The following GRIN2B variants were observed in gnomAD, a reference collection of about 807,000 sequenced individuals.
GRIN2B encodes the protein glutamate receptor ionotropic, NMDA 2B.
A neutral mutation model predicts 114.5 loss-of-function variants in GRIN2B; 5 were observed. The ratio of observed to expected loss-of-function variants is 0.04; its 90% confidence interval spans 0.02 to 0.09. GRIN2B has a LOEUF of 0.09. Among genes scored for constraint, GRIN2B ranks in the 10% least tolerant of loss-of-function variants. The pLI, the probability that GRIN2B is intolerant of heterozygous loss-of-function variation, is 1.00. For missense variants in GRIN2B, 1,108 were observed against 1,943.5 expected (o/e 0.57, Z 8.08); for synonymous variants, 787 against 745.1 (o/e 1.06, Z -0.92).
intron 3 of GRIN2B, among the ~76,000 whole-genome samples, chr12:13,771,196 C>T (rs990224663): frequency 6.6e-6 from 1 of 152,140 alleles, no homozygotes; most frequent in African/African-American, 2.4e-5. Context: ...TAAGTCATCT[C>T]GTCTACTGCA....
intron 3 of GRIN2B, among the ~76,000 whole-genome samples, chr12:13,812,415 C>A (rs528638026): frequency 6.6e-6 from 1 of 152,298 alleles, no homozygotes; most frequent in Non-Finnish European, 1.5e-5. Flanking sequence ...ATTACATTAT[C>A]ATTTCCCACT....
intron 2 of GRIN2B, among the ~76,000 whole-genome samples, chr12:13,932,096 C>G (rs1166139185): frequency 6.6e-6 from 1 of 152,192 alleles, no homozygotes; most frequent in Non-Finnish European, 1.5e-5. Context: ...CCTCATGATT[C>G]AGTTCCTATC....
intron 3 of GRIN2B, among the ~76,000 whole-genome samples, chr12:13,756,900 ACT>A (rs1283594927): frequency 6.6e-6 from 1 of 151,958 alleles, no homozygotes; most frequent in Non-Finnish European, 1.5e-5. Flanking sequence ...TTCTCTTAAT[ACT>A]CTCTCTCCCC....
chr12:13,923,918 C>A (rs1314863979), intron 2 of GRIN2B, among the ~76,000 whole-genome samples: 1 of 152,012 alleles, frequency 6.6e-6, no homozygotes, highest in Non-Finnish European at 1.5e-5. Context: ...GCTTTTGGGC[C>A]AGAATAAGAA....
chr12:13,609,818 T>G (rs1000059630), intron 9 of GRIN2B, among the ~76,000 whole-genome samples: 1 of 151,410 alleles, frequency 6.6e-6, no homozygotes, highest in Non-Finnish European at 1.5e-5. Flanking sequence ...GGGGAAGTCA[T>G]AGAATCCTGG....
intron 4 of GRIN2B, among the ~76,000 whole-genome samples, chr12:13,714,634 C>T (rs1014858096): frequency 2.6e-5 from 4 of 151,750 alleles, no homozygotes; most frequent in African/African-American, 9.7e-5. Context: ...AAAGGGGGAA[C>T]GCTGGTTGGT....
intron 3 of GRIN2B, among the ~76,000 whole-genome samples, chr12:13,791,180 C>T (rs1476884088): frequency 6.6e-6 from 1 of 152,064 alleles, no homozygotes; most frequent in Non-Finnish European, 1.5e-5. Flanking sequence ...ATTCCATGTC[C>T]TGGCGAGGCG....
chr12:13,693,665 T>C (rs943579017), intron 4 of GRIN2B, among the ~76,000 whole-genome samples: 15 of 152,274 alleles, frequency 9.9e-5, no homozygotes, highest in Non-Finnish European at 1.6e-4. Flanking sequence ...CCCTGCTTCA[T>C]AGTATGCATT....
At chr12:13,837,299 T>A (rs1022239241) in intron 3 of GRIN2B, among the ~76,000 whole-genome samples, 6 of 152,192 alleles carry the variant, frequency 3.9e-5, no homozygotes, top group African/African-American at 1.4e-4. Flanking sequence ...CTCTGAGACA[T>A]GTCCTCCTCT....
At chr12:13,799,702 G>A (rs183787141) in intron 3 of GRIN2B, among the ~76,000 whole-genome samples, 6 of 152,052 alleles carry the variant, frequency 3.9e-5, no homozygotes, top group Non-Finnish European at 8.8e-5. Context: ...CAGGAGAGAG[G>A]GGGGGAAAGG....
intron 11 of GRIN2B, among the ~76,000 whole-genome samples, chr12:13,571,520 G>C (rs937627575): frequency 3.3e-5 from 5 of 151,966 alleles, no homozygotes; most frequent in Non-Finnish European, 7.3e-5. Context: ...CCTTCACTCT[G>C]CCCTCCTACT....
intron 3 of GRIN2B, among the ~76,000 whole-genome samples, chr12:13,811,446 T>C (rs1864727762): frequency 6.6e-6 from 1 of 152,194 alleles, no homozygotes; most frequent in Non-Finnish European, 1.5e-5. Flanking sequence ...CTGGGCACAG[T>C]GGCATGTGCC....
chr12:13,696,925 C>CT (rs1282182863), intron 4 of GRIN2B, among the ~76,000 whole-genome samples: 1 of 152,152 alleles, frequency 6.6e-6, no homozygotes, highest in East Asian at 1.9e-4. Context: ...CTTAATAATG[C>CT]TTTAGCCGTT....
Position 13,615,853 on chromosome 12 carries a change from C to T in GRIN2B, c.1329-189G>A, listed in dbSNP as rs1949432420. ...CAGACCTGCAATATTCTCATTATCTCGTCATATTGAGATATGTTTCCTCTT... is the reference window on the plus strand; with the variant it reads ...CAGACCTGCAATATTCTCATTATCTTGTCATATTGAGATATGTTTCCTCTT... On this transcript the variant is annotated intron_variant, in intron 6 of 13. Transcript: ENST00000609686. The surrounding 1 kb of genome is among the most constrained non-coding windows in gnomAD (Gnocchi z 5.8). 6.6e-6 allele frequency among the ~76,000 whole-genome samples: 1 copy of T among 152,140 alleles called. No homozygotes were observed. The highest frequency in any genetic ancestry group is 2.4e-5 in the African/African-American group (1 of 41,412).
chr12:13,844,396 T>C (rs1003514964), intron 3 of GRIN2B, among the ~76,000 whole-genome samples: 1 of 152,174 alleles, frequency 6.6e-6, no homozygotes, highest in African/African-American at 2.4e-5. Flanking sequence ...AACATACCCA[T>C]AGCTTCTTTT....
chr12:13,724,345 G>A (rs1291639280), intron 4 of GRIN2B, among the ~76,000 whole-genome samples: 2 of 152,154 alleles, frequency 1.3e-5, no homozygotes, highest in African/African-American at 4.8e-5. Flanking sequence ...GCAGAAATCA[G>A]GAAGCACATG....
intron 13 of GRIN2B, among the ~76,000 whole-genome samples, chr12:13,565,440 T>A (rs1328629530): frequency 1.3e-5 from 2 of 152,200 alleles, no homozygotes; most frequent in Non-Finnish European, 1.5e-5. Context: ...AATATTATCA[T>A]CAATAATTAA....
chr12:13,547,981 A>ATATATATATATATATATT lies in GRIN2B; in HGVS notation c.*14801_*14802insAATATATATATATATATA. The ATATATATATATATATATT allele has an allele frequency of 4.4e-5, 3 of 68,592 alleles. No homozygotes were observed. The highest frequency in any genetic ancestry group is 9.2e-5 in the African/African-American group (2 of 21,784). 4.2% of individuals were successfully genotyped at this position (68,592 alleles called of 1,614,324 possible). A position where few individuals can be genotyped will look rare whatever the true frequency, so the allele number is the denominator to read the frequency against. ...TGTGTATATATATATATATATATATATTTTTTTTTTTTTTCTGAAAGCTAC... is the reference window on the plus strand; with the variant it reads ...TGTGTATATATATATATATATATATATATATATATATATATATTTTTTTTTTTTTTTTCTGAAAGCTAC... On this transcript the variant is annotated 3_prime_UTR_variant, in exon 14 of 14. Transcript: ENST00000609686.
At chr12:13,779,718 T>C (rs766126523) in intron 3 of GRIN2B, among the ~76,000 whole-genome samples, 4 of 152,206 alleles carry the variant, frequency 2.6e-5, no homozygotes, top group Admixed American at 6.5e-5. Flanking sequence ...TTGCTAAATG[T>C]GGCTCATGGC....
Sources: gnomAD v4.1 joint callset for allele counts (sites outside exome capture counted in the v4.1 genomes callset) on GRCh38, gnomAD v4.1.1 for gene constraint, Gnocchi (gnomAD v3.1) non-coding constraint, MANE v1.5 for transcripts, NCBI Gene and HGNC (gene_info 2026-07-23, HGNC 2026-07-21) for gene names.